The following PGBD2 variants were observed in gnomAD, a reference collection of about 807,000 sequenced individuals.
PGBD2 encodes the protein piggyBac transposable element-derived protein 2.
In PGBD2, 6 loss-of-function variants were observed where a neutral mutation model predicts 8.1. That is an observed-to-expected ratio of 0.74 (90% CI 0.40 to 1.46). PGBD2 has a LOEUF of 1.46. Among genes scored for constraint, PGBD2 ranks in the 40% most tolerant of loss-of-function variants. PGBD2 has a pLI of 0.02. For missense variants in PGBD2, 802 were observed against 739.0 expected, an observed-to-expected ratio of 1.09 and a Z score of -0.99; for synonymous variants, 318 against 272.2, an observed-to-expected ratio of 1.17 and a Z score of -1.66.
chr1:248,913,157 C>G (rs1009576293), intron 1 of PGBD2, among the ~76,000 whole-genome samples: 60 of 152,198 alleles, frequency 3.9e-4, no homozygotes, highest in African/African-American at 1.4e-3. Flanking sequence ...TTCCTCTCCC[C>G]CCTCACCCCA....
chr1:248,906,348 C>T lies in PGBD2; in HGVS notation c.-48+6C>T, dbSNP rs1411111673. The T allele has an allele frequency of 1.3e-5, 2 of 152,014 alleles. No homozygotes were observed. Among genetic ancestry groups the T allele is most frequent in the Non-Finnish European group, 2.9e-5 (2 of 68,042 alleles). The allele number at this position is 152,014 out of a possible 1,614,324, so 9.4% of individuals were successfully genotyped here. On this transcript the variant is annotated splice_donor_region_variant and intron_variant, in intron 1 of 2. Coordinates refer to ENST00000329291, the MANE Select transcript of PGBD2 (RefSeq NM_170725.3). ...CTCCGTCTGGGGTAGGGCAGGTAGG[C>T]CTCAGTGTGCTCGCGCTGCAGGCAG...
intron 1 of PGBD2, among the ~76,000 whole-genome samples, chr1:248,911,193 T>C (rs960574751): frequency 3.0e-4 from 45 of 151,872 alleles, no homozygotes; most frequent in South Asian, 6.2e-4. Context: ...CATAGGATAA[T>C]AGTGGAGGGA....
At chr1:248,903,806 C>T (rs1661574829), upstream of PGBD2, among the ~76,000 whole-genome samples, 1 of 152,172 alleles carries the variant, frequency 6.6e-6, no homozygotes, top group African/African-American at 2.4e-5. Context: ...ATGTATGTGA[C>T]ATTCTTAATT....
the PGBD2 span, among the ~76,000 whole-genome samples, chr1:248,882,003 A>G: frequency 6.6e-6 from 1 of 152,234 alleles, no homozygotes; most frequent in Admixed American, 6.5e-5. Context: ...AAGCAGAGGC[A>G]AGAAAGCTTC....
At position 248,917,635 on chromosome 1, in the gene PGBD2, G is replaced by T; in HGVS notation, c.1051G>T (p.Asp351Tyr). ...TTTTCTGCCATATCACATATTTTTT[G>T]ACAAGGTTTTCACAAGTGTTAAACT... ...RGFLPYHIFF[D>Y]KVFTSVKLMS... Residue 351 changes from aspartate to tyrosine, a missense_variant, in exon 3 of 3, where the codon GAC becomes TAC. Asp to Tyr is a radical substitution (Grantham distance 160). Transcript: ENST00000329291. The T allele has an allele frequency of 6.2e-7, 1 of 1,614,140 alleles. No homozygotes were observed. Among genetic ancestry groups the T allele is most frequent in the Non-Finnish European group, 8.5e-7 (1 of 1,180,026 alleles).
chr1:248,926,935 C>T, the PGBD2 span, among the ~76,000 whole-genome samples: 2 of 152,212 alleles, frequency 1.3e-5, no homozygotes, highest in African/African-American at 4.8e-5. Context: ...ACTGCTACCA[C>T]CCCACAACCC....
the PGBD2 span, among the ~76,000 whole-genome samples, chr1:248,886,280 C>T: frequency 1.3e-5 from 2 of 152,064 alleles, no homozygotes; most frequent in Non-Finnish European, 2.9e-5. Context: ...CAGCCTGATA[C>T]TTGAGTGTAC....
chr1:248,914,786 A>G (rs887935906), intron 2 of PGBD2, among the ~76,000 whole-genome samples: 4 of 152,142 alleles, frequency 2.6e-5, no homozygotes, highest in Non-Finnish European at 5.9e-5. Context: ...GGGGCTACGT[A>G]TGGCAGCTGA....
chr1:248,878,212 C>T, the PGBD2 span, among the ~76,000 whole-genome samples: 2 of 150,040 alleles, frequency 1.3e-5, no homozygotes, highest in Admixed American at 1.3e-4. Flanking sequence ...CGGAGTCTCG[C>T]TCTGTCGCCC....
At chr1:248,913,405 G>A (rs1340886474) in intron 1 of PGBD2, among the ~76,000 whole-genome samples, 2 of 152,142 alleles carry the variant, frequency 1.3e-5, no homozygotes, top group Non-Finnish European at 2.9e-5. Flanking sequence ...TGCTGTCTAG[G>A]TAGTTCATTT....
Position 248,917,525 on chromosome 1 carries a change from G to T in PGBD2, c.941G>T (p.Gly314Val). 1.2e-6 allele frequency: 2 copies of T among 1,614,158 alleles called. No homozygotes were observed. Among genetic ancestry groups the T allele is most frequent in the Non-Finnish European group, 1.7e-6 (2 of 1,180,028 alleles). The change falls in exon 3 of 3, where the codon GGC (glycine) becomes GTC (valine). Residue 314 changes from glycine (G) to valine (V), a missense_variant. By Grantham distance (109) the Gly-to-Val change is moderately radical. Coordinates refer to ENST00000329291, the MANE Select transcript of PGBD2 (RefSeq NM_170725.3). ...TTGGTGTGGTTTGAGCCCTCACAGGGCACACTGTTTACCAAGCCAGACAGG... is the reference window on the plus strand; with the variant it reads ...TTGGTGTGGTTTGAGCCCTCACAGGTCACACTGTTTACCAAGCCAGACAGG... ...GYLVWFEPSQ[G>V]TLFTKPDRSL...
At chr1:248,903,321 C>A (rs1661565579), upstream of PGBD2, among the ~76,000 whole-genome samples, 1 of 151,968 alleles carries the variant, frequency 6.6e-6, no homozygotes, top group Non-Finnish European at 1.5e-5. Context: ...GTCTTAGCTT[C>A]CTGAGTATCT....
At chr1:248,907,991 T>G (rs1261711186) in intron 1 of PGBD2, among the ~76,000 whole-genome samples, 1 of 152,116 alleles carries the variant, frequency 6.6e-6, no homozygotes, top group Non-Finnish European at 1.5e-5. Flanking sequence ...AATTTCAGAG[T>G]TTCAGAGTGT....
At chr1:248,875,147 T>C in the PGBD2 span, among the ~76,000 whole-genome samples, 2 of 151,486 alleles carry the variant, frequency 1.3e-5, no homozygotes, top group African/African-American at 4.9e-5. Context: ...AATACAAAAA[T>C]TAGCTGAGCG....
At chr1:248,879,761 AT>A in the PGBD2 span, among the ~76,000 whole-genome samples, 1 of 152,176 alleles carries the variant, frequency 6.6e-6, no homozygotes, top group South Asian at 2.1e-4. Flanking sequence ...TTGATGATTT[AT>A]ATAGTTCCTC....
rs1662205253 is a variant in PGBD2, at chr1:248,918,576, T to A, written c.*213T>A. 1 of 268,996 alleles carries A rather than the reference T, an allele frequency of 3.7e-6. No individual in the cohort carries two copies. The highest frequency in any genetic ancestry group is 5.4e-5 in the Admixed American group (1 of 18,528). The allele number at this position is 268,996 out of a possible 1,614,324, so 16.7% of individuals were successfully genotyped here. On this transcript the variant is annotated 3_prime_UTR_variant, in exon 3 of 3. Coordinates refer to ENST00000329291, the MANE Select transcript of PGBD2 (RefSeq NM_170725.3). Reference sequence around the variant, plus strand: ...ATTAATATTTATATTCATTTATATTTATATTTTTGAACTTATTTATTTAAA... The same window carrying A: ...ATTAATATTTATATTCATTTATATTAATATTTTTGAACTTATTTATTTAAA...
upstream of PGBD2, among the ~76,000 whole-genome samples, chr1:248,905,521 C>T (rs947407066): frequency 2.0e-5 from 3 of 151,968 alleles, no homozygotes; most frequent in Non-Finnish European, 4.4e-5. Context: ...CATTTAGTTG[C>T]TAGGGATGCT....
chr1:248,901,153 A>T, the PGBD2 span, among the ~76,000 whole-genome samples: 1 of 152,206 alleles, frequency 6.6e-6, no homozygotes, highest in African/African-American at 2.4e-5. Context: ...TATTGTGAAA[A>T]TGGCCATATT....
In PGBD2 at chr1:248,913,925, C is replaced by T. The variant is rs774930689; in HGVS notation, c.17+46C>T. The T allele has an allele frequency of 6.4e-6, 10 of 1,556,614 alleles. No individual in the cohort carries two copies. In the East Asian group the frequency reaches 6.7e-5, roughly 10 times the overall value. On this transcript the variant is annotated intron_variant, in intron 2 of 2. Transcript: ENST00000329291. ...AATGTTTTATTGAAGAATTTATTCCCCTATGCTTTTGAAAGGCCAGGTCCA... is the reference window on the plus strand; with the variant it reads ...AATGTTTTATTGAAGAATTTATTCCTCTATGCTTTTGAAAGGCCAGGTCCA...
Sources: allele counts gnomAD v4.1 joint callset (sites outside exome capture counted in the v4.1 genomes callset), GRCh38; gene constraint gnomAD v4.1.1; transcripts MANE v1.5; gene names NCBI Gene and HGNC (gene_info 2026-07-23, HGNC 2026-07-21).